TTC28: variants seen among roughly 807,000 people sequenced by gnomAD.
TTC28 encodes the protein tetratricopeptide repeat protein 28.
Under a neutral mutation model 198.0 loss-of-function variants are expected in TTC28, and 61 were observed. That is an observed-to-expected ratio of 0.31 (90% confidence interval 0.25 to 0.38). The LOEUF is 0.38. TTC28 is among the 10% of genes least tolerant of loss of function. The probability of loss-of-function intolerance (pLI) is 1.00; values close to 1 mark genes in which losing one functional copy is unlikely to be tolerated. For synonymous variants in TTC28, 1,171 were observed against 1,297.8 expected (o/e 0.90, Z 2.10); for missense variants, 2,678 against 3,164.0 (o/e 0.85, Z 3.69).
intron 2 of TTC28, among the ~76,000 whole-genome samples, chr22:28,588,529 T>G (rs2050362826): frequency 1.3e-5 from 2 of 152,200 alleles, no homozygotes; most frequent in Admixed American, 1.3e-4. Context: ...GAGCACTTGA[T>G]TACTGGAAGC....
intron 5 of TTC28, among the ~76,000 whole-genome samples, chr22:28,289,968 G>A (rs967006397): frequency 1.3e-5 from 2 of 152,104 alleles, no homozygotes; most frequent in African/African-American, 4.8e-5. Flanking sequence ...AGGTTGCAGT[G>A]AGCCGAGACT....
intron 5 of TTC28, among the ~76,000 whole-genome samples, chr22:28,257,780 A>C (rs1023521818): frequency 1.8e-4 from 23 of 128,144 alleles, no homozygotes; most frequent in African/African-American, 4.9e-4. Flanking sequence ...ATATATATAT[A>C]TCTTCTACTT....
intron 2 of TTC28, among the ~76,000 whole-genome samples, chr22:28,582,166 G>T (rs979060550): frequency 6.6e-6 from 1 of 152,050 alleles, no homozygotes; most frequent in Non-Finnish European, 1.5e-5. Context: ...AACTGACCAA[G>T]CTCTGTCTAG....
chr22:28,388,216 G>A (rs1450939695), intron 2 of TTC28, among the ~76,000 whole-genome samples: 1 of 152,098 alleles, frequency 6.6e-6, no homozygotes, highest in Non-Finnish European at 1.5e-5. Flanking sequence ...CTCTGTTTTG[G>A]TACCAGTACC....
At chr22:28,500,974 T>C (rs1450978629) in intron 2 of TTC28, among the ~76,000 whole-genome samples, 1 of 152,184 alleles carries the variant, frequency 6.6e-6, no homozygotes, top group Non-Finnish European at 1.5e-5. Flanking sequence ...GGACATCTAA[T>C]TTGATAAAAC....
intron 1 of TTC28, among the ~76,000 whole-genome samples, chr22:28,630,589 T>G (rs1445867806): frequency 6.6e-6 from 1 of 152,206 alleles, no homozygotes; most frequent in Non-Finnish European, 1.5e-5. Context: ...ATGCTGGGAT[T>G]ACAGGCATCA....
intron 2 of TTC28, among the ~76,000 whole-genome samples, chr22:28,535,077 G>A (rs886234934): frequency 3.3e-5 from 5 of 152,020 alleles, no homozygotes; most frequent in African/African-American, 9.6e-5. Context: ...ATAAAAAAAA[G>A]AAAGATGACG....
At chr22:28,539,793 C>CTGTG (rs375841746) in intron 2 of TTC28, among the ~76,000 whole-genome samples, 84 of 152,096 alleles carry the variant, frequency 5.5e-4, no homozygotes, top group Non-Finnish European at 1.1e-3. Flanking sequence ...GACAAGAGGG[C>CTGTG]TGTGTGAGGC....
At position 28,070,819 on chromosome 22, in the gene TTC28, A is replaced by T. The variant is rs535954773; in HGVS notation, c.3932+23261T>A. Among the ~76,000 whole-genome samples, 3 of 152,374 alleles carry T rather than the reference A, an allele frequency of 2.0e-5. No homozygotes were observed. The South Asian group carries it at 6.2e-4, about 32-fold the overall frequency. On this transcript the variant is annotated intron_variant, in intron 12 of 22. Coordinates refer to ENST00000397906, the MANE Select transcript of TTC28 (RefSeq NM_001145418.2). ...AATCAATATATGTGACACAGTTTCA[A>T]CGTATTAAGCCTAAATTAATAAATA...
chr22:28,087,342 C>T (rs1425589391), intron 12 of TTC28, among the ~76,000 whole-genome samples: 1 of 152,122 alleles, frequency 6.6e-6, no homozygotes, highest in Non-Finnish European at 1.5e-5. Flanking sequence ...CCCTGGGATG[C>T]AAGGCTGGTT....
intron 12 of TTC28, among the ~76,000 whole-genome samples, chr22:28,063,940 C>T (rs946355695): frequency 3.3e-5 from 5 of 152,136 alleles, no homozygotes; most frequent in Non-Finnish European, 5.9e-5. Context: ...GAAGGTTTAA[C>T]TGGGGGAGTC....
intron 2 of TTC28, among the ~76,000 whole-genome samples, chr22:28,521,475 A>G (rs1601506511): frequency 6.6e-6 from 1 of 152,288 alleles, no homozygotes; most frequent in East Asian, 1.9e-4. Context: ...TACGATTAGA[A>G]AAGCCAAGAT....
intron 5 of TTC28, among the ~76,000 whole-genome samples, chr22:28,203,124 A>T (rs933947949): frequency 6.6e-6 from 1 of 152,168 alleles, no homozygotes; most frequent in Admixed American, 6.5e-5. Context: ...TGCGCATATT[A>T]AATTTTTTTA....
intron 6 of TTC28, among the ~76,000 whole-genome samples, chr22:28,131,321 G>T (rs1343515430): frequency 9.9e-5 from 15 of 152,042 alleles, no homozygotes; most frequent in Admixed American, 9.8e-4. Context: ...ACTTGAGATG[G>T]GATGTCCCAA....
rs763920308 is a variant in TTC28 at position 28,108,247 on chromosome 22, G to C, written c.1598C>G (p.Ala533Gly). 4 of 1,549,128 alleles carry C rather than the reference G, an allele frequency of 2.6e-6. No individual in the cohort carries two copies. The highest frequency in any genetic ancestry group is 3.5e-6 in the Non-Finnish European group (4 of 1,145,508). Residue 533 changes from alanine (A) to glycine (G), a missense_variant, in exon 7 of 23, where the codon GCG (alanine) becomes GGG (glycine). By Grantham distance (60) the Ala-to-Gly change is moderately conservative. Around this residue, in one of 8 missense-constraint regions of TTC28, gnomAD observed 775 missense variants for 845.9 expected, o/e 0.92. Transcript: ENST00000397906. ...CAGCTCCTGCCGATGGTATTTGACC[G>C]CCTGGTCGTACATGCCCAGGGCATT... is the stretch of plus-strand genomic sequence containing the variant. The part of the protein sequence containing the change: ...AYNALGMYDQ[A>G]VKYHRQELQI...
At chr22:28,633,609 A>G (rs1163683612) in intron 1 of TTC28, among the ~76,000 whole-genome samples, 2 of 152,154 alleles carry the variant, frequency 1.3e-5, no homozygotes, top group Non-Finnish European at 2.9e-5. Context: ...AGCCTGGACA[A>G]CAAGCAAGAC....
intron 1 of TTC28, among the ~76,000 whole-genome samples, chr22:28,642,541 G>C (rs1475591653): frequency 2.0e-5 from 3 of 152,126 alleles, no homozygotes; most frequent in African/African-American, 7.2e-5. Flanking sequence ...CTCCTAACCA[G>C]GCTGCAACTA....
At chr22:28,416,099 T>C (rs1428227157) in intron 2 of TTC28, among the ~76,000 whole-genome samples, 1 of 152,158 alleles carries the variant, frequency 6.6e-6, no homozygotes, top group Admixed American at 6.5e-5. Flanking sequence ...TCCCTATCTA[T>C]TCTATAAAAA....
At chr22:28,527,943 T>C (rs193182311) in intron 2 of TTC28, among the ~76,000 whole-genome samples, 100 of 152,276 alleles carry the variant, frequency 6.6e-4, no homozygotes, top group Middle Eastern at 3.4e-3. Context: ...GGAGGCATCA[T>C]ACAGCAAGAC....
Sources: gnomAD v4.1 joint callset for allele counts (sites outside exome capture counted in the v4.1 genomes callset) on GRCh38, gnomAD v4.1.1 for gene constraint, gnomAD v4.1.1 regional missense constraint, MANE v1.5 for transcripts, NCBI Gene and HGNC (gene_info 2026-07-23, HGNC 2026-07-21) for gene names.